CCDC93: variants seen among roughly 807,000 people sequenced by gnomAD.
CCDC93 encodes coiled-coil domain-containing protein 93.
A neutral mutation model predicts 108.2 loss-of-function variants in CCDC93; 61 were observed. The ratio of observed to expected loss-of-function variants is 0.56; its 90% CI spans 0.46 to 0.70. CCDC93 has a LOEUF of 0.70. Among genes scored for constraint, CCDC93 ranks in the 30% least tolerant of loss-of-function variants. The probability of loss-of-function intolerance (pLI) is 0.00; values close to 1 mark genes in which losing one functional copy is unlikely to be tolerated. For synonymous variants in CCDC93, 276 were observed against 260.4 expected, an observed-to-expected ratio of 1.06 and a Z score of -0.58; for missense variants, 685 against 764.2, an observed-to-expected ratio of 0.90 and a Z score of 1.22.
chr2:117,988,876 G>GT (rs1680395773), intron 6 of CCDC93, among the ~76,000 whole-genome samples: 1 of 152,298 alleles, frequency 6.6e-6, no homozygotes, highest in East Asian at 1.9e-4. Context: ...GCTCTGCTAT[G>GT]TAAGTATACA....
At chr2:117,952,853 A>AT (rs1216807438) in intron 12 of CCDC93, among the ~76,000 whole-genome samples, 1 of 152,222 alleles carries the variant, frequency 6.6e-6, no homozygotes, top group Non-Finnish European at 1.5e-5. Flanking sequence ...TGTTTGCAGA[A>AT]TACAAACAGC....
At chr2:117,925,246 G>A (rs1473059472) in intron 23 of CCDC93, among the ~76,000 whole-genome samples, 1 of 152,144 alleles carries the variant, frequency 6.6e-6, no homozygotes, top group East Asian at 1.9e-4. Flanking sequence ...CCATCATAAT[G>A]ACAGGATCAA....
chr2:117,930,927 C>T, intron 23 of CCDC93, 110 bp downstream of exon 23: 2 of 660,440 alleles, frequency 3.0e-6, no homozygotes, highest in Non-Finnish European at 5.4e-6. Context: ...CTTGTTATTT[C>T]CCTTCACAGA....
chr2:118,008,490 T>A lies in CCDC93; in HGVS notation c.156+55A>T, dbSNP rs138453884. The A allele has an allele frequency of 9.6e-5, 95 of 988,972 alleles. No individual in the cohort carries two copies. In the African/African-American group the frequency reaches 1.3e-3, roughly 14 times the overall value. 61.3% of individuals were successfully genotyped at this position (988,972 alleles called of 1,614,324 possible). A position where few individuals can be genotyped will look rare whatever the true frequency, so the allele number is the denominator to read the frequency against. On this transcript the variant is annotated intron_variant, in intron 2 of 23. Transcript: ENST00000376300. ...CTTTTCCTCCTTTCTTTGCCATGAT[T>A]AACCATGTCATTCTGACAAAAGATA...
chr2:117,938,261 C>T (rs1678583770), intron 20 of CCDC93, among the ~76,000 whole-genome samples: 1 of 152,184 alleles, frequency 6.6e-6, no homozygotes, highest in South Asian at 2.1e-4. Context: ...CGCCAAAGCC[C>T]GTGTTCTCTT....
chr2:117,946,874 C>T lies in CCDC93; in HGVS notation c.1233G>A (p.Met411Ile). Residue 411 changes from methionine (M) to isoleucine (I), a missense_variant, in exon 16 of 24, where the codon ATG (methionine) becomes ATA (isoleucine). Transcript: ENST00000376300. ...TTTCAATTTCTTGCTGTAGTCGTGT[C>T]ATCTCCTCCTTTAAAAGTGACATGA... ...QEFKAHCREE[M>I]TRLQQEIENL... 6.2e-7 allele frequency: 1 copy of T among 1,611,778 alleles called. No individual in the cohort carries two copies. Among genetic ancestry groups the T allele is most frequent in the Non-Finnish European group, 8.5e-7 (1 of 1,177,834 alleles).
At chr2:117,995,253 T>G (rs1573522923) in intron 6 of CCDC93, 193 bp downstream of exon 6, 17 of 590,508 alleles carry the variant, frequency 2.9e-5, no homozygotes. Context: ...GTGTGGCAGG[T>G]TCTCCCTGTG....
intron 1 of CCDC93, among the ~76,000 whole-genome samples, chr2:118,013,461 G>A (rs1677074430): frequency 6.6e-6 from 1 of 152,020 alleles, no homozygotes; most frequent in Non-Finnish European, 1.5e-5. Context: ...ATTCCCTCCC[G>A]ACAGCAAGGC....
chr2:117,959,811 T>G (rs1679331638), intron 11 of CCDC93, among the ~76,000 whole-genome samples: 1 of 152,220 alleles, frequency 6.6e-6, no homozygotes, highest in African/African-American at 2.4e-5. Context: ...CAACATTATT[T>G]TAGCTTTTAG....
chr2:118,005,608 T>C (rs1006446746), intron 3 of CCDC93, among the ~76,000 whole-genome samples: 1 of 151,882 alleles, frequency 6.6e-6, no homozygotes, highest in African/African-American at 2.4e-5. Flanking sequence ...AATTTAAAAA[T>C]TAGCTGGGCG....
At chr2:117,938,483 A>G (rs1453541758) in intron 20 of CCDC93, among the ~76,000 whole-genome samples, 2 of 151,652 alleles carry the variant, frequency 1.3e-5, no homozygotes, top group Non-Finnish European at 2.9e-5. Flanking sequence ...ATGTATACAT[A>G]TGTAACTAAC....
chr2:117,971,049 T>C (rs1363017568), intron 11 of CCDC93, among the ~76,000 whole-genome samples: 1 of 152,130 alleles, frequency 6.6e-6, no homozygotes, highest in Admixed American at 6.6e-5. Context: ...TATTAACACA[T>C]AAATTATGTA....
rs532129769 is a variant in CCDC93 at position 117,940,023 on chromosome 2, A to T, written c.1523-912T>A. On this transcript the variant is annotated intron_variant, in intron 19 of 23. Transcript: ENST00000376300. The stretch of plus-strand genomic sequence containing the variant: ...GTATTACAGCTTTTAGAGTAAAATG[A>T]TCAAATATATGTTGAAAGAGATCTA... Among the ~76,000 whole-genome samples, 4 of 152,306 alleles carry T rather than the reference A, an allele frequency of 2.6e-5. 1 individual carries two copies. The highest frequency in any genetic ancestry group is 9.6e-5 in the African/African-American group (4 of 41,572).
At chr2:118,009,701 C>T (rs1048532184) in intron 1 of CCDC93, among the ~76,000 whole-genome samples, 4 of 152,002 alleles carry the variant, frequency 2.6e-5, no homozygotes, top group African/African-American at 9.7e-5. Context: ...AAAAGTTATA[C>T]TCATCCAGAA....
intron 23 of CCDC93, among the ~76,000 whole-genome samples, chr2:117,925,860 AGATG>A (rs1678069786): frequency 1.3e-5 from 2 of 152,230 alleles, no homozygotes; most frequent in African/African-American, 4.8e-5. Context: ...TTGACCACAT[AGATG>A]GAAGTAAAGC....
intron 22 of CCDC93, 146 bp downstream of exon 22, chr2:117,935,349 G>A (rs759221144): frequency 9.0e-5 from 56 of 624,682 alleles, no homozygotes; most frequent in Middle Eastern, 5.2e-4. Flanking sequence ...AGAGTAAGAC[G>A]CATGGTGGGA....
chr2:117,959,235 C>T (rs985151358), intron 11 of CCDC93, among the ~76,000 whole-genome samples: 5 of 152,310 alleles, frequency 3.3e-5, no homozygotes, highest in Admixed American at 1.3e-4. Context: ...TGAATACAAA[C>T]ACCGCCTCAA....
chr2:117,945,518 C>T lies in CCDC93; in HGVS notation c.1350+11G>A. Reference sequence around the variant, plus strand: ...GGAGACAATGCCAGTCCTGAGCAGGCAGGTACTTACGTCATGAGTCATTGC... The same window carrying T: ...GGAGACAATGCCAGTCCTGAGCAGGTAGGTACTTACGTCATGAGTCATTGC... On this transcript the variant is annotated intron_variant, in intron 17 of 23. Coordinates refer to ENST00000376300, the MANE Select transcript of CCDC93 (RefSeq NM_019044.5). The T allele has an allele frequency of 1.2e-6, 2 of 1,612,786 alleles. No homozygotes were observed. The highest frequency in any genetic ancestry group is 1.7e-6 in the Non-Finnish European group (2 of 1,178,828).
Position 117,936,750 on chromosome 2 carries a change from A to G in CCDC93, c.1606-11T>C, listed in dbSNP as rs1483797590. 6.2e-7 allele frequency: 1 copy of G among 1,611,146 alleles called. No homozygotes were observed. Among genetic ancestry groups the G allele is most frequent in the Non-Finnish European group, 8.5e-7 (1 of 1,177,266 alleles). ...GTTCAGCAGACTAATCTGGGGAAGT[A>G]AAAAAACAAACGAAATTATAAGACA... On this transcript the variant is annotated splice_polypyrimidine_tract_variant and intron_variant, in intron 20 of 23. Coordinates refer to ENST00000376300, the MANE Select transcript of CCDC93 (RefSeq NM_019044.5).
Sources: allele counts gnomAD v4.1 joint callset (sites outside exome capture counted in the v4.1 genomes callset), GRCh38; gene constraint gnomAD v4.1.1; transcripts MANE v1.5; gene names NCBI Gene and HGNC (gene_info 2026-07-23, HGNC 2026-07-21).